The following AUTS2 variants were observed in gnomAD, a reference collection of about 807,000 sequenced individuals.
AUTS2 encodes autism susceptibility gene 2 protein.
Under a neutral mutation model 112.4 loss-of-function variants are expected in AUTS2, and 17 were observed. The observed-to-expected ratio is 0.15, with a 90% confidence interval of 0.10 to 0.23. The LOEUF is 0.23. AUTS2 is among the 10% of genes least tolerant of loss of function. The pLI is 1.00. For synonymous variants in AUTS2, 751 were observed against 702.7 expected (o/e 1.07, Z -1.09); for missense variants, 1,510 against 1,701.6 (o/e 0.89, Z 1.98).
At chr7:70,652,349 A>ATT (rs34864188) in intron 5 of AUTS2, among the ~76,000 whole-genome samples, 10 of 150,730 alleles carry the variant, frequency 6.6e-5, no homozygotes, top group South Asian at 2.1e-4. Context: ...TACTTCTGCC[A>ATT]TTTTTTTTTT....
At chr7:69,759,409 G>T (rs1788073090) in intron 1 of AUTS2, among the ~76,000 whole-genome samples, 1 of 146,524 alleles carries the variant, frequency 6.8e-6, no homozygotes, top group Admixed American at 6.6e-5. Context: ...GTGAAACAAA[G>T]TTTTGACTGT....
At chr7:69,980,805 A>G (rs558166196) in intron 2 of AUTS2, among the ~76,000 whole-genome samples, 17 of 152,244 alleles carry the variant, frequency 1.1e-4, no homozygotes, top group South Asian at 4.1e-4. Flanking sequence ...CTTGGCGTCA[A>G]TTTTTTTAAA....
intron 5 of AUTS2, among the ~76,000 whole-genome samples, chr7:70,477,759 G>A (rs77292969): frequency 6.6e-6 from 1 of 152,192 alleles, no homozygotes; most frequent in South Asian, 2.1e-4. Context: ...GTCAAATGAT[G>A]TGATTAAAAG....
At chr7:70,536,835 G>A (rs1240719210) in intron 5 of AUTS2, among the ~76,000 whole-genome samples, 1 of 152,114 alleles carries the variant, frequency 6.6e-6, no homozygotes, top group East Asian at 1.9e-4. Flanking sequence ...AGGAGGTGGA[G>A]GTTGCGGTGA....
intron 4 of AUTS2, among the ~76,000 whole-genome samples, chr7:70,416,683 C>T (rs1794999596): frequency 6.6e-6 from 1 of 152,238 alleles, no homozygotes; most frequent in Non-Finnish European, 1.5e-5. Flanking sequence ...CTCTCGCCTA[C>T]AACCTCATCC....
chr7:70,643,485 C>G (rs998892258), intron 5 of AUTS2, among the ~76,000 whole-genome samples: 1 of 152,184 alleles, frequency 6.6e-6, no homozygotes, highest in African/African-American at 2.4e-5. Context: ...GGAGGAGAAT[C>G]GCTTGAACCT....
intron 5 of AUTS2, among the ~76,000 whole-genome samples, chr7:70,519,109 C>A (rs1044939500): frequency 6.6e-6 from 1 of 152,110 alleles, no homozygotes; most frequent in Non-Finnish European, 1.5e-5. Flanking sequence ...TTTGCTCTTT[C>A]TTTTACATCT....
intron 5 of AUTS2, among the ~76,000 whole-genome samples, chr7:70,445,437 A>G (rs1796282792): frequency 6.6e-6 from 1 of 152,094 alleles, no homozygotes; most frequent in Admixed American, 6.6e-5. Context: ...ACCCCCACCC[A>G]AACAATTGCA....
At chr7:70,342,193 T>C (rs1791295846) in intron 4 of AUTS2, among the ~76,000 whole-genome samples, 1 of 152,204 alleles carries the variant, frequency 6.6e-6, no homozygotes, top group Non-Finnish European at 1.5e-5. Context: ...TGAACTGTTC[T>C]CTAATTTCTA....
At chr7:70,162,602 T>C (rs1040671308) in intron 4 of AUTS2, among the ~76,000 whole-genome samples, 8 of 152,174 alleles carry the variant, frequency 5.3e-5, no homozygotes, top group Admixed American at 1.3e-4. Context: ...GTGTTAACTC[T>C]TTAATTTTCT....
At chr7:70,742,527 CGAA>C (rs1788176668) in intron 6 of AUTS2, among the ~76,000 whole-genome samples, 1 of 152,124 alleles carries the variant, frequency 6.6e-6, no homozygotes, top group Non-Finnish European at 1.5e-5. Context: ...CTTTGGGAGG[CGAA>C]GGTGAGTGGA....
At chr7:69,698,962 T>G (rs999957767) in intron 1 of AUTS2, among the ~76,000 whole-genome samples, 14 of 152,150 alleles carry the variant, frequency 9.2e-5, no homozygotes, top group Non-Finnish European at 2.9e-5. Flanking sequence ...TGACTATATA[T>G]TTTTTCCTAT....
chr7:70,132,316 GTGTC>G (rs1173616997), intron 3 of AUTS2, among the ~76,000 whole-genome samples: 1 of 152,010 alleles, frequency 6.6e-6, no homozygotes, highest in African/African-American at 2.4e-5. Flanking sequence ...GTTCCCTCGT[GTGTC>G]TGTGTTTGTG....
chr7:70,788,192 C>T (rs1791642934), intron 18 of AUTS2, among the ~76,000 whole-genome samples: 1 of 152,084 alleles, frequency 6.6e-6, no homozygotes, highest in African/African-American at 2.4e-5. Flanking sequence ...ATAAGGAATG[C>T]ACAAATATGC....
chr7:70,243,015 C>G (rs1468439269), intron 4 of AUTS2, among the ~76,000 whole-genome samples: 4 of 152,112 alleles, frequency 2.6e-5, no homozygotes, highest in Non-Finnish European at 4.4e-5. Context: ...CTATTTTACC[C>G]TTAGGCATCC....
At chr7:70,300,335 C>T (rs570679191) in intron 4 of AUTS2, among the ~76,000 whole-genome samples, 14 of 152,272 alleles carry the variant, frequency 9.2e-5, no homozygotes, top group Admixed American at 5.9e-4. Context: ...GAGCCACGTG[C>T]GGGCTGCGGG....
intron 4 of AUTS2, among the ~76,000 whole-genome samples, chr7:70,277,899 A>G (rs1788002882): frequency 6.6e-6 from 1 of 151,528 alleles, no homozygotes; most frequent in Non-Finnish European, 1.5e-5. Flanking sequence ...TTTAGTAAAA[A>G]GGTTAGATTT....
At chr7:70,226,073 T>C (rs893354872) in intron 4 of AUTS2, among the ~76,000 whole-genome samples, 1 of 152,236 alleles carries the variant, frequency 6.6e-6, no homozygotes, top group African/African-American at 2.4e-5. Context: ...TGTAAATGTC[T>C]ATTCATTCTT....
At chr7:70,450,893 C>T (rs1187005350) in intron 5 of AUTS2, among the ~76,000 whole-genome samples, 2 of 152,082 alleles carry the variant, frequency 1.3e-5, no homozygotes, top group Non-Finnish European at 2.9e-5. Context: ...ACTCAGGTTT[C>T]AAGTCAGGCT....
Sources: allele counts gnomAD v4.1 joint callset (sites outside exome capture counted in the v4.1 genomes callset), GRCh38; gene constraint gnomAD v4.1.1; transcripts MANE v1.5; gene names NCBI Gene and HGNC (gene_info 2026-07-23, HGNC 2026-07-21).